The following MTSS1 variants were observed in gnomAD, a reference collection of about 807,000 sequenced individuals.
MTSS1 encodes protein MTSS 1.
In MTSS1, 18 loss-of-function variants were observed where a neutral mutation model predicts 79.0. That is an observed-to-expected ratio of 0.23 (90% CI 0.16 to 0.34). The LOEUF (loss-of-function observed/expected upper bound fraction) is 0.34, where lower values mean the gene tolerates loss of function less well. Among genes scored for constraint, MTSS1 ranks in the 10% least tolerant of loss-of-function variants. The probability of loss-of-function intolerance (pLI) is 1.00; values close to 1 mark genes in which losing one functional copy is unlikely to be tolerated. For missense variants in MTSS1, 815 were observed against 986.2 expected, an observed-to-expected ratio of 0.83 and a Z score of 2.33; for synonymous variants, 341 against 368.6, an observed-to-expected ratio of 0.93 and a Z score of 0.86.
At chr8:124,557,937 G>A (rs1368553017) in intron 10 of MTSS1, 62 bp from the exon 11 acceptor site, 26 of 1,318,232 alleles carry the variant, frequency 2.0e-5, no homozygotes, top group African/African-American at 5.9e-5. Flanking sequence ...GGATGAGTGC[G>A]GAGATACAAA....
At chr8:124,650,978 C>T (rs7844234) in intron 3 of MTSS1, among the ~76,000 whole-genome samples, 48,466 of 152,146 alleles carry the variant, frequency 0.32, 10,746 homozygotes, top group African/African-American at 0.63. Context: ...AACTATCATA[C>T]AAAGTTGTGA....
intron 3 of MTSS1, among the ~76,000 whole-genome samples, chr8:124,654,538 C>G (rs941883674): frequency 6.6e-6 from 1 of 152,144 alleles, no homozygotes; most frequent in African/African-American, 2.4e-5. Flanking sequence ...ACAAGAGTTT[C>G]ATGAAGTATA....
At position 124,582,409 on chromosome 8, in the gene MTSS1, C is replaced by G. The variant is rs143469101; in HGVS notation, c.460+2678G>C. Among the ~76,000 whole-genome samples, 5 of 152,232 alleles carry G rather than the reference C, an allele frequency of 3.3e-5. No individual in the cohort carries two copies. The South Asian group carries it at 1.0e-3, about 32-fold the overall frequency. On this transcript the variant is annotated intron_variant, in intron 6 of 13. Transcript: ENST00000518547. This position sits in a 1 kb window ranked among gnomAD's most constrained non-coding sequence, Gnocchi z 4.8. ...GTGAGCCGCTCACAAAAATCACATCCGTGTGTGTCTGCCCACGTCAAGGAT... is the reference window on the plus strand; with the variant it reads ...GTGAGCCGCTCACAAAAATCACATCGGTGTGTGTCTGCCCACGTCAAGGAT...
intron 3 of MTSS1, among the ~76,000 whole-genome samples, chr8:124,696,903 G>T (rs556724172): frequency 6.6e-6 from 1 of 151,756 alleles, no homozygotes; most frequent in African/African-American, 2.4e-5. Flanking sequence ...TTCACTATGA[G>T]ATTATTTGCC....
intron 3 of MTSS1, among the ~76,000 whole-genome samples, chr8:124,645,455 G>A (rs1007841595): frequency 6.6e-6 from 1 of 152,124 alleles, no homozygotes; most frequent in African/African-American, 2.4e-5. Context: ...ATGTTGGGTG[G>A]CTAGTCCCAT....
At chr8:124,713,570 T>C (rs1468462675) in intron 1 of MTSS1, among the ~76,000 whole-genome samples, 1 of 151,102 alleles carries the variant, frequency 6.6e-6, no homozygotes, top group African/African-American at 2.4e-5. Flanking sequence ...ATTATAGGCA[T>C]GCACCACCAC....
chr8:124,681,995 A>C (rs1826200029), intron 3 of MTSS1, among the ~76,000 whole-genome samples: 1 of 152,186 alleles, frequency 6.6e-6, no homozygotes, highest in Admixed American at 6.5e-5. Flanking sequence ...CACAGCCTAC[A>C]AAGGTGCTGT....
At chr8:124,676,057 A>G (rs1250003972) in intron 3 of MTSS1, among the ~76,000 whole-genome samples, 1 of 152,210 alleles carries the variant, frequency 6.6e-6, no homozygotes, top group Non-Finnish European at 1.5e-5. Flanking sequence ...TTCCTTCCTC[A>G]TTAAGCCATC....
chr8:124,653,245 A>G (rs1427241832), intron 3 of MTSS1, among the ~76,000 whole-genome samples: 3 of 152,212 alleles, frequency 2.0e-5, no homozygotes, highest in Non-Finnish European at 4.4e-5. Flanking sequence ...AGGGGTGACA[A>G]TTGGTTGGGG....
At chr8:124,561,093 A>G (rs573612122) in intron 10 of MTSS1, among the ~76,000 whole-genome samples, 2 of 152,332 alleles carry the variant, frequency 1.3e-5, no homozygotes, top group African/African-American at 4.8e-5. Flanking sequence ...TTCTTAAAAA[A>G]TAAGAATTCT....
chr8:124,563,852 CA>C (rs1825821358), intron 9 of MTSS1, among the ~76,000 whole-genome samples: 1 of 152,160 alleles, frequency 6.6e-6, no homozygotes, highest in South Asian at 2.1e-4. Context: ...TGCTCCTGGC[CA>C]GGTGCGGTGG....
At chr8:124,617,285 G>C (rs1271348402) in intron 3 of MTSS1, among the ~76,000 whole-genome samples, 3 of 152,182 alleles carry the variant, frequency 2.0e-5, no homozygotes, top group African/African-American at 7.2e-5. Context: ...CTCACCACTT[G>C]CTTCCATTTC....
chr8:124,648,830 G>A (rs1267029164), intron 3 of MTSS1, among the ~76,000 whole-genome samples: 2 of 152,162 alleles, frequency 1.3e-5, no homozygotes, highest in African/African-American at 4.8e-5. Context: ...ACGCCATGAT[G>A]AAAATGCCAT....
chr8:124,648,779 C>T (rs1215073747), intron 3 of MTSS1, among the ~76,000 whole-genome samples: 1 of 151,198 alleles, frequency 6.6e-6, no homozygotes, highest in South Asian at 2.1e-4. Flanking sequence ...AATCCAAGGC[C>T]ATGGGGACTG....
At chr8:124,628,082 G>A (rs766476547) in intron 3 of MTSS1, among the ~76,000 whole-genome samples, 8 of 152,140 alleles carry the variant, frequency 5.3e-5, no homozygotes, top group Non-Finnish European at 8.8e-5. Flanking sequence ...CAGGAATATC[G>A]CTTGAACCCG....
intron 3 of MTSS1, among the ~76,000 whole-genome samples, chr8:124,689,828 A>G (rs1027680937): frequency 2.6e-5 from 4 of 151,962 alleles, no homozygotes; most frequent in Non-Finnish European, 5.9e-5. Context: ...TTAATATTTT[A>G]CCAAAAGTGA....
intron 3 of MTSS1, among the ~76,000 whole-genome samples, chr8:124,591,504 G>T (rs972726433): frequency 6.6e-6 from 1 of 152,172 alleles, no homozygotes; most frequent in Non-Finnish European, 1.5e-5. Flanking sequence ...TATTCCATCT[G>T]ATTTTTTTTG....
At chr8:124,588,709 T>C (rs4871507) in intron 5 of MTSS1, among the ~76,000 whole-genome samples, 58,642 of 152,098 alleles carry the variant, frequency 0.39, 11,640 homozygotes, top group East Asian at 0.56. Context: ...CATGATGATT[T>C]TCACTTCTTT....
At chr8:124,559,195 T>C (rs1824725863) in intron 10 of MTSS1, among the ~76,000 whole-genome samples, 2 of 152,328 alleles carry the variant, frequency 1.3e-5, no homozygotes, top group South Asian at 4.1e-4. Context: ...TCGTGCTCTC[T>C]TGGGTGTTTC....
Sources: allele counts gnomAD v4.1 joint callset (sites outside exome capture counted in the v4.1 genomes callset), GRCh38; gene constraint gnomAD v4.1.1; non-coding constraint Gnocchi (gnomAD v3.1); transcripts MANE v1.5; gene names NCBI Gene and HGNC (gene_info 2026-07-23, HGNC 2026-07-21).